Variants in STIP1 observed in about 807,000 individuals in gnomAD.
STIP1 encodes stress induced phosphoprotein 1, also known as stress-induced-phosphoprotein 1.
Under a neutral mutation model 77.4 loss-of-function variants are expected in STIP1, and 16 were observed. That is an observed-to-expected ratio of 0.21 (90% confidence interval 0.14 to 0.31). The LOEUF (loss-of-function observed/expected upper bound fraction) is 0.31. Ranked by LOEUF, STIP1 falls within the 10% of genes least tolerant of loss-of-function variation. STIP1 has a pLI of 1.00. For synonymous variants in STIP1, 258 were observed against 246.6 expected (o/e 1.05, Z -0.44); for missense variants, 524 against 684.8 (o/e 0.77, Z 2.62).
At position 64,204,143 on chromosome 11, in the gene STIP1, C is replaced by T. The variant is rs777388742; in HGVS notation, c.*17C>T. On this transcript the variant is annotated 3_prime_UTR_variant, in exon 14 of 14. Transcript: ENST00000305218. The stretch of plus-strand genomic sequence containing the variant: ...ATTCGGTGATGACTTGTTCATCCCC[C>T]CTTCCCTTCGCCCTCATGTGGAAAG... 1.2e-6 allele frequency: 2 copies of T among 1,613,698 alleles called. No individual in the cohort carries two copies. The highest frequency in any genetic ancestry group is 1.3e-5 in the African/African-American group (1 of 74,908).
chr11:64,197,786 G>A (rs1233254943), intron 7 of STIP1, 68 bp from the exon 8 acceptor site: 3 of 1,585,524 alleles, frequency 1.9e-6, no homozygotes, highest in East Asian at 2.2e-5. Context: ...AGCTGCAGGT[G>A]TGTTTTTCTG....
chr11:64,197,541 A>C lies in STIP1; in HGVS notation c.848A>C (p.Glu283Ala). The C allele has an allele frequency of 1.2e-6, 2 of 1,614,210 alleles. No individual in the cohort carries two copies. The highest frequency in any genetic ancestry group is 1.7e-6 in the Non-Finnish European group (2 of 1,180,038). ...TACAATAAGTGCCGGGAGCTTTGTG[A>C]GAAGGCCATTGAAGTGGGGAGAGAA... Reference protein sequence around the residue: ...GDYNKCRELCEKAIEVGRENR... With the variant: ...GDYNKCRELCAKAIEVGRENR... The change falls in exon 7 of 14, where the codon GAG becomes GCG. Residue 283 changes from glutamate (E) to alanine (A), a missense_variant. By Grantham distance (107) the Glu-to-Ala change is moderately radical (BLOSUM62 -1). Transcript: ENST00000305218.
In STIP1 at chr11:64,204,168, G is replaced by T. The variant is rs1326101308; in HGVS notation, c.*42G>T. On this transcript the variant is annotated 3_prime_UTR_variant, in exon 14 of 14. Coordinates refer to ENST00000305218, the MANE Select transcript of STIP1 (RefSeq NM_006819.3). ...CCTTCCCTTCGCCCTCATGTGGAAA[G>T]AGGAGCTGGGACCGCGGCGAGCAGC... 1 of 1,609,984 alleles carries T rather than the reference G, an allele frequency of 6.2e-7. No individual in the cohort carries two copies. Among genetic ancestry groups the T allele is most frequent in the South Asian group, 1.1e-5 (1 of 90,932 alleles).
At position 64,197,513 on chromosome 11, in the gene STIP1, G is replaced by C; in HGVS notation, c.820G>C (p.Asp274His). ...NQAAVYFEKG[D>H]YNKCRELCEK... is the part of the protein sequence containing the mutation. Reference sequence around the variant, plus strand: ...GGCAGCGGTATACTTTGAAAAGGGCGACTACAATAAGTGCCGGGAGCTTTG... The same window carrying C: ...GGCAGCGGTATACTTTGAAAAGGGCCACTACAATAAGTGCCGGGAGCTTTG... Residue 274 changes from aspartate (D) to histidine (H), a missense_variant, in exon 7 of 14, where the codon GAC (aspartate) becomes CAC (histidine). Coordinates refer to ENST00000305218, the MANE Select transcript of STIP1 (RefSeq NM_006819.3). 6.2e-7 allele frequency: 1 copy of C among 1,614,024 alleles called. No homozygotes were observed. Among genetic ancestry groups the C allele is most frequent in the East Asian group, 2.2e-5 (1 of 44,900 alleles).
chr11:64,202,229 T>G (rs1352091708), intron 10 of STIP1, among the ~76,000 whole-genome samples: 3 of 152,038 alleles, frequency 2.0e-5, no homozygotes, highest in African/African-American at 7.2e-5. Context: ...TATTTTTGTT[T>G]GTTTGTTTTT....
Position 64,195,663 on chromosome 11 carries a change from G to C in STIP1, c.522G>C (p.Arg174=). ...ATACTAGGAAACTACAAGATCCCCG[G>C]ATCATGACCACTCTCAGCGTCCTCC... ...SDLGTKLQDP[R]IMTTLSVLLG... is the part of the protein sequence containing the mutation. Residue 174 remains arginine (R), a synonymous_variant, in exon 5 of 14, where the codon CGG becomes CGC. Coordinates refer to ENST00000305218, the MANE Select transcript of STIP1 (RefSeq NM_006819.3). 5 of 1,611,870 alleles carry C rather than the reference G, an allele frequency of 3.1e-6. No homozygotes were observed. Among genetic ancestry groups the C allele is most frequent in the Non-Finnish European group, 4.2e-6 (5 of 1,179,250 alleles).
At chr11:64,185,956 T>C (rs766346488), upstream of STIP1, 3 of 1,537,852 alleles carry the variant, frequency 2.0e-6, no homozygotes, top group Admixed American at 2.0e-5. Context: ...CCTCCCTCCA[T>C]TCGTGGAGCC....
upstream of STIP1, chr11:64,185,641 A>T: frequency 1.3e-6 from 1 of 773,680 alleles, no homozygotes; most frequent in Non-Finnish European, 2.0e-6. Flanking sequence ...GAGGGAAAGC[A>T]ACCCAGAGGC....
upstream of STIP1, chr11:64,186,153 G>A: frequency 6.4e-7 from 1 of 1,550,840 alleles, no homozygotes; most frequent in Non-Finnish European, 8.7e-7. Flanking sequence ...AGGAAGGGGC[G>A]GGAGCCGGGG....
rs534592891 is a variant in STIP1 at position 64,186,230 on chromosome 11, C to G, written c.-32C>G. The G allele has an allele frequency of 3.5e-5, 54 of 1,548,838 alleles. No homozygotes were observed. Among genetic ancestry groups the G allele is most frequent in the Non-Finnish European group, 4.4e-5 (51 of 1,146,192 alleles). ...GTTGGGAACGCGGAGCGGACGGATTCGATTCAACGGGGTTCCGGACCGCGC... is the reference window on the plus strand; with the variant it reads ...GTTGGGAACGCGGAGCGGACGGATTGGATTCAACGGGGTTCCGGACCGCGC... On this transcript the variant is annotated 5_prime_UTR_variant, in exon 1 of 14. Transcript: ENST00000305218.
intron 2 of STIP1, 78 bp downstream of exon 2, chr11:64,193,365 G>C (rs1946113841): frequency 1.5e-6 from 2 of 1,326,550 alleles, no homozygotes; most frequent in African/African-American, 1.4e-5. Flanking sequence ...AGGTTTACCT[G>C]TCCTGATACA....
At chr11:64,195,409 C>G (rs1368759739) in intron 4 of STIP1, among the ~76,000 whole-genome samples, 1 of 152,174 alleles carries the variant, frequency 6.6e-6, no homozygotes, top group Non-Finnish European at 1.5e-5. Context: ...AGCCACCGTG[C>G]TCCGCTATCT....
upstream of STIP1, chr11:64,185,712 G>A (rs995819650): frequency 4.2e-6 from 6 of 1,419,090 alleles, no homozygotes; most frequent in African/African-American, 5.7e-5. Flanking sequence ...CCATATATCA[G>A]GGGCGGGGCG....
chr11:64,199,000 C>A (rs1171270966), intron 8 of STIP1, among the ~76,000 whole-genome samples: 3 of 148,632 alleles, frequency 2.0e-5, no homozygotes, highest in Non-Finnish European at 4.5e-5. Flanking sequence ...GAGTTCAAGA[C>A]CAGCCTGGCC....
Position 64,192,481 on chromosome 11 carries a change from C to G in STIP1, c.10-597C>G, listed in dbSNP as rs544029957. 1.9e-4 allele frequency among the ~76,000 whole-genome samples: 29 copies of G among 152,274 alleles called. No individual in the cohort carries two copies. The East Asian group carries it at 5.0e-3, about 26-fold the overall frequency. On this transcript the variant is annotated intron_variant, in intron 1 of 13. Coordinates refer to ENST00000305218, the MANE Select transcript of STIP1 (RefSeq NM_006819.3). The stretch of plus-strand genomic sequence containing the variant: ...ATTTGGGGAGCTAGCTTGACTGTTA[C>G]CCATTAATGAACATTTATCTATCCT...
At chr11:64,198,753 G>GTTTTTTTTTTT (rs371481270) in intron 8 of STIP1, among the ~76,000 whole-genome samples, 3 of 111,030 alleles carry the variant, frequency 2.7e-5, no homozygotes, top group Middle Eastern at 5.7e-3. Context: ...TTTTTTTGTG[G>GTTTTTTTTTTT]TTTTTTTTTT....
intron 8 of STIP1, 44 bp from the exon 9 acceptor site, chr11:64,199,896 A>G (rs2062528345): frequency 8.7e-6 from 14 of 1,608,972 alleles, no homozygotes; most frequent in Non-Finnish European, 1.2e-5. Flanking sequence ...TATTTAGATG[A>G]TTATGAGCGT....
chr11:64,204,067 C>T lies in STIP1; in HGVS notation c.1573C>T (p.Pro525Ser). 1 of 1,614,138 alleles carries T rather than the reference C, an allele frequency of 6.2e-7. No individual in the cohort carries two copies. The highest frequency in any genetic ancestry group is 1.1e-5 in the South Asian group (1 of 91,080). Residue 525 changes from proline to serine, a missense_variant, in exon 14 of 14, where the codon CCT becomes TCT. Physicochemically the swap from Pro to Ser is moderately conservative, Grantham distance 74 (BLOSUM62 -1). Transcript: ENST00000305218. ...CTTCCTCTGTAGACACTTAAAGAATCCTGTAATAGCACAGAAGATCCAGAA... is the reference window on the plus strand; with the variant it reads ...CTTCCTCTGTAGACACTTAAAGAATTCTGTAATAGCACAGAAGATCCAGAA... ...PQALSEHLKN[P>S]VIAQKIQKLM...
At chr11:64,191,069 C>A (rs1248225635) in intron 1 of STIP1, among the ~76,000 whole-genome samples, 1 of 151,810 alleles carries the variant, frequency 6.6e-6, no homozygotes, top group African/African-American at 2.4e-5. Flanking sequence ...TGTCTGTAAT[C>A]CCAGCTACTC....
Sources: allele counts gnomAD v4.1 joint callset (sites outside exome capture counted in the v4.1 genomes callset), GRCh38; gene constraint gnomAD v4.1.1; transcripts MANE v1.5; gene names NCBI Gene and HGNC (gene_info 2026-07-23, HGNC 2026-07-21).